Variants in OSBP2 observed in about 807,000 individuals in gnomAD.
The protein encoded by OSBP2 is oxysterol binding protein 2.
A neutral mutation model predicts 96.0 loss-of-function variants in OSBP2; 66 were observed. The observed-to-expected ratio is 0.69, with a 90% CI of 0.56 to 0.84. OSBP2 has a LOEUF of 0.84. OSBP2 is among the 40% of genes least tolerant of loss of function. The pLI, the probability that OSBP2 is intolerant of heterozygous loss-of-function variation, is 0.00. For missense variants in OSBP2, 1,038 were observed against 1,222.7 expected (o/e 0.85, Z 2.25); for synonymous variants, 525 against 520.9 (o/e 1.01, Z -0.11).
In OSBP2 at chr22:30,870,451, G is replaced by A. The variant is rs1477057331; in HGVS notation, c.876G>A (p.Glu292=). 12 of 1,613,958 alleles carry A rather than the reference G, an allele frequency of 7.4e-6. No homozygotes were observed. Among genetic ancestry groups the A allele is most frequent in the Non-Finnish European group, 9.3e-6 (11 of 1,180,024 alleles). ...CAGATGACTCTGGGGACGACGACGA[G>A]GCTACCACCCCAGCCGACAAGAGCG... ...THSDDSGDDD[E]ATTPADKSEL... Residue 292 remains glutamate, a synonymous_variant, in exon 3 of 14, where the codon GAG becomes GAA. Transcript: ENST00000332585. This position sits in a 1 kb window ranked among gnomAD's most constrained non-coding sequence, Gnocchi z 4.1.
intron 1 of OSBP2, among the ~76,000 whole-genome samples, chr22:30,707,991 G>A (rs905804247): frequency 2.0e-5 from 3 of 151,474 alleles, no homozygotes; most frequent in African/African-American, 4.8e-5. Flanking sequence ...GGGTTCAAGC[G>A]AGTCTCCTGC....
At chr22:30,784,502 C>T (rs2145814126) in intron 2 of OSBP2, among the ~76,000 whole-genome samples, 1 of 152,080 alleles carries the variant, frequency 6.6e-6, no homozygotes, top group South Asian at 2.1e-4. Flanking sequence ...CAAGTGATCC[C>T]ACTACCTTGG....
At chr22:30,715,368 CT>C (rs136384) in intron 1 of OSBP2, among the ~76,000 whole-genome samples, 80 of 140,668 alleles carry the variant, frequency 5.7e-4, no homozygotes, top group Middle Eastern at 7.4e-3. Context: ...CTCTCTCTCT[CT>C]TTTTTTTTTT....
chr22:30,797,684 C>T (rs1464839669), intron 2 of OSBP2, among the ~76,000 whole-genome samples: 3 of 151,962 alleles, frequency 2.0e-5, no homozygotes, highest in Non-Finnish European at 2.9e-5. Flanking sequence ...CTCAACCTCC[C>T]GGGTTCAGGT....
rs147568928 is a variant in OSBP2, at chr22:30,744,794, C to A, written c.853+3425C>A. On this transcript the variant is annotated intron_variant, in intron 2 of 13. Transcript: ENST00000332585. ...CAAACAAACAAACAAACAAATAAATCAACTCTTAGGTGCTATAAACCAACT... is the reference window on the plus strand; with the variant it reads ...CAAACAAACAAACAAACAAATAAATAAACTCTTAGGTGCTATAAACCAACT... Among the ~76,000 whole-genome samples the A allele has an allele frequency of 4.0e-3, 603 of 152,112 alleles. 4 individuals are homozygous for A. Among genetic ancestry groups the A allele is most frequent in the Non-Finnish European group, 6.4e-3 (437 of 67,964 alleles).
At chr22:30,860,474 G>A (rs1246620478) in intron 2 of OSBP2, among the ~76,000 whole-genome samples, 2 of 152,238 alleles carry the variant, frequency 1.3e-5, no homozygotes, top group South Asian at 2.1e-4. Flanking sequence ...AGGGCTCAGG[G>A]GAGAAGCTGA....
intron 2 of OSBP2, among the ~76,000 whole-genome samples, chr22:30,858,804 G>A (rs570558204): frequency 2.8e-4 from 43 of 151,606 alleles, no homozygotes; most frequent in South Asian, 1.1e-3. Flanking sequence ...GCTTGAACCC[G>A]GGAGATGGAG....
At chr22:30,766,697 C>T (rs962022868) in intron 2 of OSBP2, among the ~76,000 whole-genome samples, 13 of 152,100 alleles carry the variant, frequency 8.5e-5, no homozygotes, top group African/African-American at 2.9e-4. Context: ...GAGGGAGGAG[C>T]GAGGGAGTCC....
At chr22:30,693,795 C>T (rs566777536), upstream of OSBP2, 10 of 386,468 alleles carry the variant, frequency 2.6e-5, no homozygotes, top group Admixed American at 4.0e-5. Context: ...GGTGAAACCC[C>T]GTTTCTACTA....
chr22:30,822,769 G>C, intron 2 of OSBP2: 1 of 1,406,034 alleles, frequency 7.1e-7, no homozygotes, highest in Non-Finnish European at 9.6e-7. Flanking sequence ...ATGCACGCCC[G>C]GTGCCTGGCT....
chr22:30,695,661 T>TTTAG, intron 1 of OSBP2, 108 bp downstream of exon 1: 1 of 1,499,118 alleles, frequency 6.7e-7, no homozygotes, highest in Non-Finnish European at 8.9e-7. Flanking sequence ...TCTAGAGATG[T>TTTAG]TTAGGGGCAT....
At chr22:30,729,342 G>T (rs1437504693) in intron 1 of OSBP2, among the ~76,000 whole-genome samples, 2 of 152,222 alleles carry the variant, frequency 1.3e-5, no homozygotes, top group African/African-American at 2.4e-5. Flanking sequence ...TGGATGGATG[G>T]ATCTAAAATT....
chr22:30,804,335 G>A (rs1362854135), intron 2 of OSBP2, among the ~76,000 whole-genome samples: 3 of 152,192 alleles, frequency 2.0e-5, no homozygotes, highest in East Asian at 1.9e-4. Flanking sequence ...TCTGAATCTC[G>A]ACAGGTTCAT....
intron 5 of OSBP2, 33 bp downstream of exon 5, chr22:30,888,373 C>G (rs368407878): frequency 4.6e-6 from 6 of 1,293,504 alleles, no homozygotes; most frequent in Middle Eastern, 1.8e-4. Flanking sequence ...GAGCCTCCCC[C>G]ACCCTGGTCT....
chr22:30,819,151 A>G (rs954056436), intron 2 of OSBP2, among the ~76,000 whole-genome samples: 10 of 152,226 alleles, frequency 6.6e-5, no homozygotes, highest in Non-Finnish European at 1.5e-5. Context: ...CCTGGTCAAC[A>G]TGGTGAAACT....
At position 30,730,800 on chromosome 22, in the gene OSBP2, AT is replaced by A. The variant is rs1569100637; in HGVS notation, c.645-10360del. 6.2e-4 allele frequency among the ~76,000 whole-genome samples: 31 copies of A among 49,848 alleles called. 2 individuals are homozygous for A. The highest frequency in any genetic ancestry group is 3.0e-3 in the African/African-American group (28 of 9,362). The allele number at this position is 49,848 out of a possible 152,430, so 32.7% of individuals were successfully genotyped here. A position where few individuals can be genotyped will look rare whatever the true frequency, so the allele number is the denominator to read the frequency against. On this transcript the variant is annotated intron_variant, in intron 1 of 13. Coordinates refer to ENST00000332585, the MANE Select transcript of OSBP2 (RefSeq NM_030758.4). Reference sequence around the variant, plus strand: ...TATATATATATATATATATATATATATATATATAATTTTTTTTTTTTTTCCC... The same window carrying A: ...TATATATATATATATATATATATATAATATATAATTTTTTTTTTTTTTCCC...
intron 2 of OSBP2, chr22:30,764,521 C>A: frequency 2.5e-6 from 1 of 396,722 alleles, no homozygotes; most frequent in Non-Finnish European, 3.4e-6. Context: ...TGCCTGTGTG[C>A]CTGGGGATGC....
chr22:30,877,976 G>A (rs1490667165), intron 3 of OSBP2, among the ~76,000 whole-genome samples: 4 of 152,364 alleles, frequency 2.6e-5, no homozygotes, highest in Admixed American at 1.3e-4. Context: ...GGATGTCAGC[G>A]GCAAAAGGAC....
intron 11 of OSBP2, 36 bp downstream of exon 11, chr22:30,893,769 G>A (rs1031998380): frequency 5.0e-6 from 8 of 1,611,836 alleles, no homozygotes; most frequent in Non-Finnish European, 6.8e-6. Flanking sequence ...CACCCCAGGG[G>A]GCCCAGGGCA....
Sources: gnomAD v4.1 joint callset for allele counts (sites outside exome capture counted in the v4.1 genomes callset) on GRCh38, gnomAD v4.1.1 for gene constraint, Gnocchi (gnomAD v3.1) non-coding constraint, MANE v1.5 for transcripts, NCBI Gene and HGNC (gene_info 2026-07-23, HGNC 2026-07-21) for gene names.